Variants in TSC22D4 observed in about 807,000 individuals in gnomAD.
The protein encoded by TSC22D4 is TSC22 domain family protein 4.
Under a neutral mutation model 24.9 loss-of-function variants are expected in TSC22D4, and 5 were observed. That is an observed-to-expected ratio of 0.20 (90% CI 0.10 to 0.42). The LOEUF is 0.42. TSC22D4 is among the 10% of genes least tolerant of loss of function. The pLI, the probability that TSC22D4 is intolerant of heterozygous loss-of-function variation, is 1.00. For synonymous variants in TSC22D4, 245 were observed against 243.2 expected, an observed-to-expected ratio of 1.01 and a Z score of -0.07; for missense variants, 469 against 547.9, an observed-to-expected ratio of 0.86 and a Z score of 1.44.
chr7:100,471,549 G>A (rs1799392808), intron 3 of TSC22D4, among the ~76,000 whole-genome samples: 1 of 152,138 alleles, frequency 6.6e-6, no homozygotes, highest in African/African-American at 2.4e-5. Context: ...AGATCAGCCT[G>A]GCCAACATGG....
At chr7:100,476,317 C>A (rs1799495682) in intron 2 of TSC22D4, among the ~76,000 whole-genome samples, 1 of 151,942 alleles carries the variant, frequency 6.6e-6, no homozygotes, top group Non-Finnish European at 1.5e-5. Context: ...CCTGACCGGT[C>A]CTGACAGGAC....
rs910163632 is a variant in TSC22D4 at position 100,478,131 on chromosome 7, C to T, written c.-93G>A. The stretch of plus-strand genomic sequence containing the variant: ...CCCCTGGAACAAGGGGGCCACATGG[C>T]GGGGACATCCGAGCCCCTGGGGACG... On this transcript the variant is annotated 5_prime_UTR_variant, in exon 2 of 5. Transcript: ENST00000300181. The T allele has an allele frequency of 1.6e-5, 17 of 1,053,534 alleles. No homozygotes were observed. In the Admixed American group the frequency reaches 3.9e-4, roughly 24 times the overall value. The allele number at this position is 1,053,534 out of a possible 1,614,324, so 65.3% of individuals were successfully genotyped here. A position where few individuals can be genotyped will look rare whatever the true frequency, so the allele number is the denominator to read the frequency against.
At chr7:100,473,762 A>G (rs1465305986) in intron 3 of TSC22D4, 2 of 114,114 alleles carry the variant, frequency 1.8e-5, no homozygotes, top group Non-Finnish European at 3.6e-5. Flanking sequence ...ATGTATATAT[A>G]TATATATTTT....
Position 100,466,987 on chromosome 7 carries a change from G to T in TSC22D4, c.1160C>A (p.Pro387His). 3 of 1,590,848 alleles carry T rather than the reference G, an allele frequency of 1.9e-6. No individual in the cohort carries two copies. Among genetic ancestry groups the T allele is most frequent in the Non-Finnish European group, 2.6e-6 (3 of 1,168,682 alleles). Residue 387 changes from proline (P) to histidine (H), a missense_variant, in exon 5 of 5, where the codon CCC becomes CAC. Coordinates refer to ENST00000300181, the MANE Select transcript of TSC22D4 (RefSeq NM_030935.5). Reference sequence around the variant, plus strand: ...GACGGAGGGCCCATTGGGCGCAGGGGGCCCAAGCCGTGGGACCCCCGAGGA... The same window carrying T: ...GACGGAGGGCCCATTGGGCGCAGGGTGCCCAAGCCGTGGGACCCCCGAGGA... ...LPSSGVPRLG[P>H]PAPNGPSV
chr7:100,468,161 C>G (rs1351070327), intron 3 of TSC22D4: 1 of 313,994 alleles, frequency 3.2e-6, no homozygotes, highest in Non-Finnish European at 6.4e-6. Context: ...CACGGGGACC[C>G]CCCCTCCTTT....
chr7:100,467,344 G>A (rs1799301656), intron 4 of TSC22D4, 176 bp from the exon 5 acceptor site: 1 of 852,464 alleles, frequency 1.2e-6, no homozygotes, highest in Non-Finnish European at 1.9e-6. Context: ...CAAAGACAGA[G>A]ATGGGGACCA....
At chr7:100,468,978 C>T (rs1248104057) in intron 3 of TSC22D4, among the ~76,000 whole-genome samples, 1 of 151,464 alleles carries the variant, frequency 6.6e-6, no homozygotes, top group Non-Finnish European at 1.5e-5. Context: ...GTAATCCCAG[C>T]ACTTTGGGAG....
At chr7:100,467,824 C>T (rs778853712) in intron 3 of TSC22D4, 9 of 696,116 alleles carry the variant, frequency 1.3e-5, no homozygotes, top group African/African-American at 5.3e-5. Flanking sequence ...GGATGCACCC[C>T]GGGGAGAGCA....
At position 100,474,222 on chromosome 7, in the gene TSC22D4, C is replaced by T; in HGVS notation, c.929+52G>A. On this transcript the variant is annotated intron_variant, in intron 3 of 4. Transcript: ENST00000300181. This position sits in a 1 kb window ranked among gnomAD's most constrained non-coding sequence, Gnocchi z 4.3. ...CACTTTCTTACAGCTACCCCGGGTGCTGGGCGGGGAACCTGAACCCCACGC... is the reference window on the plus strand; with the variant it reads ...CACTTTCTTACAGCTACCCCGGGTGTTGGGCGGGGAACCTGAACCCCACGC... 2 of 1,597,864 alleles carry T rather than the reference C, an allele frequency of 1.3e-6. No individual in the cohort carries two copies. Among genetic ancestry groups the T allele is most frequent in the Non-Finnish European group, 1.7e-6 (2 of 1,168,340 alleles).
intron 4 of TSC22D4, 118 bp downstream of exon 4, chr7:100,467,434 G>A: frequency 1.7e-6 from 2 of 1,173,896 alleles, no homozygotes; most frequent in Non-Finnish European, 2.5e-6. Flanking sequence ...CAGCCCAGCA[G>A]GGAGAGGGAC....
In TSC22D4 at chr7:100,478,210, T is replaced by G. The variant is rs992338956; in HGVS notation, c.-172A>C. The G allele has an allele frequency of 7.2e-5, 17 of 235,160 alleles. No individual in the cohort carries two copies. The highest frequency in any genetic ancestry group is 2.2e-4 in the South Asian group (2 of 9,216). 14.6% of individuals were successfully genotyped at this position (235,160 alleles called of 1,614,324 possible). A position where few individuals can be genotyped will look rare whatever the true frequency, so the allele number is the denominator to read the frequency against. On this transcript the variant is annotated 5_prime_UTR_variant, in exon 2 of 5. Transcript: ENST00000300181. ...GCGGGAACCGGGGGTGCCTGCTGGG[T>G]GAGGGGAGAAGAGGAGAGGGGAGGT...
rs1042832742 is a variant in TSC22D4 at position 100,474,175 on chromosome 7, T to C, written c.929+99A>G. On this transcript the variant is annotated intron_variant, in intron 3 of 4. Coordinates refer to ENST00000300181, the MANE Select transcript of TSC22D4 (RefSeq NM_030935.5). This position sits in a 1 kb window ranked among gnomAD's most constrained non-coding sequence, Gnocchi z 4.3. ...TAAGAGGTCCTCTCCAAGTTCAACC[T>C]GGGGGAAGGATGCCTACCAGGCACT... The C allele has an allele frequency of 7.7e-5, 116 of 1,508,362 alleles. No homozygotes were observed. The highest frequency in any genetic ancestry group is 1.0e-4 in the Non-Finnish European group (112 of 1,108,096). The allele number at this position is 1,508,362 out of a possible 1,614,324, so 93.4% of individuals were successfully genotyped here.
chr7:100,478,251 C>A lies in TSC22D4; in HGVS notation c.-213G>T. The A allele has an allele frequency of 2.4e-6, 1 of 408,792 alleles. No individual in the cohort carries two copies. Among genetic ancestry groups the A allele is most frequent in the Non-Finnish European group, 4.3e-6 (1 of 232,940 alleles). 25.3% of individuals were successfully genotyped at this position (408,792 alleles called of 1,614,324 possible). A position where few individuals can be genotyped will look rare whatever the true frequency, so the allele number is the denominator to read the frequency against. Reference sequence around the variant, plus strand: ...GAGGGGAGGTGGCGGGAGGGGGGAGCAGGGGCAGGTTTTTCCTGCTGCTGT... The same window carrying A: ...GAGGGGAGGTGGCGGGAGGGGGGAGAAGGGGCAGGTTTTTCCTGCTGCTGT... On this transcript the variant is annotated 5_prime_UTR_variant, in exon 2 of 5. Transcript: ENST00000300181.
chr7:100,471,349 A>G (rs2131044796), intron 3 of TSC22D4, among the ~76,000 whole-genome samples: 1 of 152,288 alleles, frequency 6.6e-6, no homozygotes, highest in African/African-American at 2.4e-5. Context: ...CAGGCATCCC[A>G]GTAGGACAGT....
chr7:100,478,325 G>C lies in TSC22D4; in HGVS notation c.-269-18C>G. On this transcript the variant is annotated intron_variant, in intron 1 of 4. Transcript: ENST00000300181. The stretch of plus-strand genomic sequence containing the variant: ...TTTGCAAACTGGAAAAAGAGGGGGA[G>C]AGAGAGAGAGAGAGAGAGAGAGAGA... The C allele has an allele frequency of 4.3e-6, 1 of 230,136 alleles. No homozygotes were observed. The highest frequency in any genetic ancestry group is 7.7e-6 in the Non-Finnish European group (1 of 129,576). 14.3% of individuals were successfully genotyped at this position (230,136 alleles called of 1,614,324 possible). A position where few individuals can be genotyped will look rare whatever the true frequency, so the allele number is the denominator to read the frequency against.
chr7:100,474,033 A>C lies in TSC22D4; in HGVS notation c.929+241T>G. 2.1e-6 allele frequency: 1 copy of C among 485,280 alleles called. No homozygotes were observed. Among genetic ancestry groups the C allele is most frequent in the Non-Finnish European group, 3.7e-6 (1 of 266,864 alleles). The allele number at this position is 485,280 out of a possible 1,614,324, so 30.1% of individuals were successfully genotyped here. On this transcript the variant is annotated intron_variant, in intron 3 of 4. Coordinates refer to ENST00000300181, the MANE Select transcript of TSC22D4 (RefSeq NM_030935.5). The surrounding 1 kb of genome is among the most constrained non-coding windows in gnomAD (Gnocchi z 4.3). ...ACAACAATGACTCCCTTCAGACTCT[A>C]AAAAAGTCTGTGACCTGACAGTTCT...
In TSC22D4 at chr7:100,477,907, G is replaced by T; in HGVS notation, c.132C>A (p.Pro44=). The change falls in exon 2 of 5, where the codon CCC becomes CCA. Residue 44 remains proline, a synonymous_variant. Coordinates refer to ENST00000300181, the MANE Select transcript of TSC22D4 (RefSeq NM_030935.5). This position sits in a 1 kb window ranked among gnomAD's most constrained non-coding sequence, Gnocchi z 7.8. ...CCGGATCGGGGCTGGGCTCCCCATT[G>T]GGCAGGCGGGGCGGGGGCCCGGTTG... ...QPPTGPPPRL[P]NGEPSPDPGG... is the part of the protein sequence containing the mutation. The T allele has an allele frequency of 6.4e-7, 1 of 1,559,630 alleles. No individual in the cohort carries two copies. Among genetic ancestry groups the T allele is most frequent in the Non-Finnish European group, 8.7e-7 (1 of 1,152,760 alleles).
rs1399513309 is a variant in TSC22D4, at chr7:100,467,329, G to A, written c.979-161C>T. ...AGGACGAGGGACAGAGGCAGAGTCA[G>A]GGCTCAAAGACAGAGATGGGGACCA... On this transcript the variant is annotated intron_variant, in intron 4 of 4. Transcript: ENST00000300181. 5.6e-6 allele frequency: 5 copies of A among 891,786 alleles called. No individual in the cohort carries two copies. The African/African-American group carries it at 6.6e-5, about 12-fold the overall frequency. The allele number at this position is 891,786 out of a possible 1,614,324, so 55.2% of individuals were successfully genotyped here.
chr7:100,470,521 T>C (rs1395538665), intron 3 of TSC22D4, among the ~76,000 whole-genome samples: 1 of 152,146 alleles, frequency 6.6e-6, no homozygotes, highest in Admixed American at 6.5e-5. Context: ...GCCAGGCTGG[T>C]CTTGAACTCC....
Sources: gnomAD v4.1 joint callset for allele counts (sites outside exome capture counted in the v4.1 genomes callset) on GRCh38, gnomAD v4.1.1 for gene constraint, Gnocchi (gnomAD v3.1) non-coding constraint, MANE v1.5 for transcripts, NCBI Gene and HGNC (gene_info 2026-07-23, HGNC 2026-07-21) for gene names.